MAGI2: variants seen among roughly 807,000 people sequenced by gnomAD.
MAGI2 encodes membrane associated guanylate kinase, WW and PDZ domain containing 2, also known as membrane-associated guanylate kinase, WW and PDZ domain-containing protein 2.
In MAGI2, 35 loss-of-function variants were observed where a neutral mutation model predicts 133.3. That is an observed-to-expected ratio of 0.26 (90% confidence interval 0.20 to 0.35). MAGI2 has a LOEUF of 0.35. MAGI2 is among the 10% of genes least tolerant of loss of function. The pLI is 1.00. For missense variants in MAGI2, 1,636 were observed against 1,863.4 expected (o/e 0.88, Z 2.25); for synonymous variants, 729 against 710.6 (o/e 1.03, Z -0.41).
chr7:79,032,488 A>G (rs2116826763), intron 1 of MAGI2, among the ~76,000 whole-genome samples: 1 of 148,290 alleles, frequency 6.7e-6, no homozygotes, highest in South Asian at 2.2e-4. Context: ...ATTGCACTCC[A>G]GCCTGGGTGA....
intron 2 of MAGI2, among the ~76,000 whole-genome samples, chr7:78,883,404 C>A (rs371316312): frequency 6.6e-6 from 1 of 151,858 alleles, no homozygotes; most frequent in East Asian, 1.9e-4. Context: ...GAAAAACACA[C>A]AATGCTCATG....
At chr7:79,110,771 T>C (rs2129543870) in intron 1 of MAGI2, among the ~76,000 whole-genome samples, 1 of 152,292 alleles carries the variant, frequency 6.6e-6, no homozygotes, top group Non-Finnish European at 1.5e-5. Flanking sequence ...CCAAATCTCA[T>C]GTTGAGATGT....
At chr7:79,337,620 C>T (rs1840533625) in intron 1 of MAGI2, among the ~76,000 whole-genome samples, 2 of 152,022 alleles carry the variant, frequency 1.3e-5, no homozygotes, top group South Asian at 2.1e-4. Flanking sequence ...TCCATAAATC[C>T]TGACATTCCT....
chr7:79,144,455 G>T (rs1214677459), intron 1 of MAGI2, among the ~76,000 whole-genome samples: 1 of 152,124 alleles, frequency 6.6e-6, no homozygotes, highest in Non-Finnish European at 1.5e-5. Flanking sequence ...GCTCCAGCCA[G>T]GTAAGACAAG....
At chr7:78,592,436 G>T (rs1804110371) in intron 3 of MAGI2, among the ~76,000 whole-genome samples, 1 of 151,560 alleles carries the variant, frequency 6.6e-6, no homozygotes, top group Admixed American at 6.6e-5. Context: ...TCCTGGGTTA[G>T]CACAAAAGCA....
chr7:78,172,723 T>C lies in MAGI2; in HGVS notation c.2404-4615A>G, dbSNP rs367785924. ...AGGCAGAAACCCATTTGATGTACTT[T>C]ATGAGACCTCCTTTAGTTGGGACCA... On this transcript the variant is annotated intron_variant, in intron 14 of 21. Coordinates refer to ENST00000354212, the MANE Select transcript of MAGI2 (RefSeq NM_012301.4). Among the ~76,000 whole-genome samples, 4 of 152,328 alleles carry C rather than the reference T, an allele frequency of 2.6e-5. No individual in the cohort carries two copies. The East Asian group carries it at 7.7e-4, about 29-fold the overall frequency.
intron 6 of MAGI2, among the ~76,000 whole-genome samples, chr7:78,442,998 T>C (rs985092636): frequency 3.3e-5 from 5 of 152,180 alleles, no homozygotes; most frequent in African/African-American, 9.7e-5. Flanking sequence ...AGATACCAAG[T>C]GGCCTGTCAG....
intron 3 of MAGI2, among the ~76,000 whole-genome samples, chr7:78,560,373 T>C (rs1352726379): frequency 2.0e-5 from 3 of 152,208 alleles, no homozygotes; most frequent in South Asian, 2.1e-4. Context: ...TTGAGGAGTA[T>C]TCTGGAGGTG....
At chr7:79,135,951 GA>G (rs780318026) in intron 1 of MAGI2, among the ~76,000 whole-genome samples, 10 of 18,514 alleles carry the variant, frequency 5.4e-4, no homozygotes, top group Non-Finnish European at 3.2e-3. Flanking sequence ...AAGAAAGAAA[GA>G]AAGAAAGAAA....
chr7:78,432,998 G>T (rs1799945574), intron 6 of MAGI2, among the ~76,000 whole-genome samples: 1 of 151,874 alleles, frequency 6.6e-6, no homozygotes. Flanking sequence ...AAATAACCTG[G>T]GTTGGTGTTT....
intron 9 of MAGI2, among the ~76,000 whole-genome samples, chr7:78,341,149 C>T (rs1414114666): frequency 6.6e-6 from 1 of 152,150 alleles, no homozygotes; most frequent in Non-Finnish European, 1.5e-5. Context: ...AAATCACTAG[C>T]ATTCCTATAC....
chr7:79,430,124 A>G (rs1847675192), intron 1 of MAGI2, among the ~76,000 whole-genome samples: 1 of 152,124 alleles, frequency 6.6e-6, no homozygotes. Flanking sequence ...ATTGACATAA[A>G]TTAGTATTTG....
intron 2 of MAGI2, among the ~76,000 whole-genome samples, chr7:78,994,206 G>T (rs1262577322): frequency 6.6e-6 from 1 of 151,862 alleles, no homozygotes; most frequent in Non-Finnish European, 1.5e-5. Flanking sequence ...ATGCTGAGAT[G>T]GGAGACTGTT....
chr7:78,452,355 G>A (rs1280078256), intron 6 of MAGI2, among the ~76,000 whole-genome samples: 2 of 151,994 alleles, frequency 1.3e-5, no homozygotes, highest in African/African-American at 2.4e-5. Flanking sequence ...GATAGTAGGA[G>A]CAATGCATAT....
chr7:78,486,615 T>A (rs10260935), intron 6 of MAGI2: 101,592 of 293,388 alleles, frequency 0.35, 18,072 homozygotes, highest in South Asian at 0.45. Flanking sequence ...GAGTTGTGGG[T>A]GCAGTGATTG....
intron 1 of MAGI2, among the ~76,000 whole-genome samples, chr7:79,390,354 A>G (rs1028010268): frequency 2.6e-5 from 4 of 152,334 alleles, no homozygotes; most frequent in African/African-American, 9.6e-5. Context: ...AATCTTCTCC[A>G]TTTGGAAAGT....
intron 6 of MAGI2, among the ~76,000 whole-genome samples, chr7:78,430,928 A>T (rs1204594300): frequency 2.6e-5 from 4 of 152,140 alleles, no homozygotes; most frequent in Non-Finnish European, 5.9e-5. Flanking sequence ...CCTGAGAGAA[A>T]GTTCCATCAA....
chr7:78,495,318 T>C (rs769173094), intron 5 of MAGI2, among the ~76,000 whole-genome samples: 3 of 152,132 alleles, frequency 2.0e-5, no homozygotes, highest in Non-Finnish European at 4.4e-5. Context: ...TGTGTCCATG[T>C]GTTCTCATTG....
intron 1 of MAGI2, among the ~76,000 whole-genome samples, chr7:79,330,215 A>G (rs1342295913): frequency 2.6e-5 from 2 of 75,750 alleles, no homozygotes; most frequent in Non-Finnish European, 4.8e-5. Flanking sequence ...TTTTTTTTAG[A>G]AGGAGTCTCG....
Sources: gnomAD v4.1 joint callset for allele counts (sites outside exome capture counted in the v4.1 genomes callset) on GRCh38, gnomAD v4.1.1 for gene constraint, MANE v1.5 for transcripts, NCBI Gene and HGNC (gene_info 2026-07-23, HGNC 2026-07-21) for gene names.